Variants in RPS6KA2 observed in about 807,000 individuals in gnomAD.
The protein encoded by RPS6KA2 is ribosomal protein S6 kinase alpha-2.
In RPS6KA2, 42 loss-of-function variants were observed where a neutral mutation model predicts 91.8. That is an observed-to-expected ratio of 0.46 (90% CI 0.36 to 0.59). RPS6KA2 has a LOEUF of 0.59. Among genes scored for constraint, RPS6KA2 ranks in the 20% least tolerant of loss-of-function variants. RPS6KA2 has a pLI of 0.00. For synonymous variants in RPS6KA2, 414 were observed against 393.6 expected, an observed-to-expected ratio of 1.05 and a Z score of -0.61; for missense variants, 798 against 978.5, an observed-to-expected ratio of 0.82 and a Z score of 2.46.
intron 2 of RPS6KA2, among the ~76,000 whole-genome samples, chr6:166,839,709 A>AGGGGAGGG (rs1374229392): frequency 1.2e-4 from 3 of 25,856 alleles, no homozygotes; most frequent in East Asian, 3.2e-3. Context: ...AGAGGAGAGG[A>AGGGGAGGG]GAGGAGAGGC....
chr6:166,861,685 CATT>C (rs1434771390), intron 1 of RPS6KA2, among the ~76,000 whole-genome samples: 16 of 152,200 alleles, frequency 1.1e-4, no homozygotes, highest in African/African-American at 3.1e-4. Context: ...CTTGATTCAT[CATT>C]GATTTTTGCC....
chr6:166,736,589 C>T (rs143765525), intron 2 of RPS6KA2, among the ~76,000 whole-genome samples: 2,250 of 152,224 alleles, frequency 0.015, 40 homozygotes, highest in Non-Finnish European at 0.024. Flanking sequence ...AAGATCATTC[C>T]ATTTTTTTTC....
intron 10 of RPS6KA2, among the ~76,000 whole-genome samples, chr6:166,487,786 T>C (rs1781459844): frequency 1.3e-5 from 2 of 152,240 alleles, no homozygotes; most frequent in African/African-American, 4.8e-5. Flanking sequence ...TTTTTAAAAA[T>C]CACCTTAACT....
At chr6:166,695,694 A>T (rs1383291688) in intron 2 of RPS6KA2, among the ~76,000 whole-genome samples, 2 of 151,994 alleles carry the variant, frequency 1.3e-5, no homozygotes, top group Non-Finnish European at 2.9e-5. Context: ...GGATTCTCCT[A>T]GGAGCACTGG....
Position 166,648,191 on chromosome 6 carries a change from T to C in RPS6KA2, c.124-109407A>G, listed in dbSNP as rs1326476765. 8.9e-6 allele frequency among the ~76,000 whole-genome samples: 1 copy of C among 112,290 alleles called. No homozygotes were observed. Among genetic ancestry groups the C allele is most frequent in the Non-Finnish European group, 1.9e-5 (1 of 53,486 alleles). 73.7% of individuals were successfully genotyped at this position (112,290 alleles called of 152,430 possible). The stretch of plus-strand genomic sequence containing the variant: ...ACACATGCTCACACACATGCACACA[T>C]GCTCATACACACACTCATGCACACA... On this transcript the variant is annotated intron_variant, in intron 2 of 21. Coordinates refer to the RPS6KA2 transcript ENST00000503859. This position sits in a 1 kb window ranked among gnomAD's most constrained non-coding sequence, Gnocchi z 4.8.
At chr6:166,443,359 T>C (rs1562496671) in intron 14 of RPS6KA2, among the ~76,000 whole-genome samples, 1 of 152,200 alleles carries the variant, frequency 6.6e-6, no homozygotes, top group Non-Finnish European at 1.5e-5. Flanking sequence ...TTTCTCTGCC[T>C]CTTGGGAGCA....
In RPS6KA2 at chr6:166,612,412, C is replaced by T. The variant is rs1786216055; in HGVS notation, c.99+14509G>A. 6.6e-6 allele frequency among the ~76,000 whole-genome samples: 1 copy of T among 152,184 alleles called. No individual in the cohort carries two copies. Among genetic ancestry groups the T allele is most frequent in the Admixed American group, 6.5e-5 (1 of 15,286 alleles). On this transcript the variant is annotated intron_variant, in intron 1 of 20. Transcript: ENST00000265678. The surrounding 1 kb of genome is among the most constrained non-coding windows in gnomAD (Gnocchi z 4.3). ...GTAGTTTTCCTTAGGAGAAAGATGG[C>T]ATGCACCCCTGGGTCACCTGGCAAA...
At chr6:166,642,631 A>G (rs140780276) in intron 2 of RPS6KA2, among the ~76,000 whole-genome samples, 1 of 152,398 alleles carries the variant, frequency 6.6e-6, no homozygotes, top group East Asian at 1.9e-4. Flanking sequence ...AAAGCAATCA[A>G]TTAAAGGAAT....
At chr6:166,561,598 T>A (rs1562580638) in intron 1 of RPS6KA2, among the ~76,000 whole-genome samples, 3 of 151,834 alleles carry the variant, frequency 2.0e-5, no homozygotes, top group Non-Finnish European at 2.9e-5. Context: ...TGTGACAGTT[T>A]CTAGCAGGCA....
intron 13 of RPS6KA2, among the ~76,000 whole-genome samples, chr6:166,450,453 ATGAGGAC>A (rs1779862730): frequency 7.2e-6 from 1 of 138,586 alleles, no homozygotes; most frequent in African/African-American, 2.8e-5. Flanking sequence ...AGGAACCACC[ATGAGGAC>A]CACCATGGCT....
At chr6:166,450,846 C>G (rs10806852) in intron 13 of RPS6KA2, among the ~76,000 whole-genome samples, 45 of 152,078 alleles carry the variant, frequency 3.0e-4, no homozygotes, top group African/African-American at 1.1e-3. Flanking sequence ...TGGGGGCCCA[C>G]AATGTGAGAC....
chr6:166,579,064 T>A (rs1337218873), intron 1 of RPS6KA2, among the ~76,000 whole-genome samples: 1 of 152,090 alleles, frequency 6.6e-6, no homozygotes, highest in Non-Finnish European at 1.5e-5. Context: ...GGAGGATCAG[T>A]GGATCATGAA....
chr6:166,565,602 T>C (rs189411754), intron 1 of RPS6KA2, among the ~76,000 whole-genome samples: 2 of 152,334 alleles, frequency 1.3e-5, no homozygotes, highest in East Asian at 3.9e-4. Context: ...CACTCTTCAG[T>C]GGTGCCGAGG....
chr6:166,425,422 A>C (rs1250055176), intron 16 of RPS6KA2, among the ~76,000 whole-genome samples: 1 of 152,130 alleles, frequency 6.6e-6, no homozygotes, highest in Non-Finnish European at 1.5e-5. Context: ...CTAACATCGT[A>C]ATGACAGGAT....
At chr6:166,644,534 TC>T (rs1477869389) in intron 2 of RPS6KA2, among the ~76,000 whole-genome samples, 2 of 152,152 alleles carry the variant, frequency 1.3e-5, no homozygotes, top group Non-Finnish European at 2.9e-5. Flanking sequence ...TAGCTAAACC[TC>T]CCGGTATTCT....
At chr6:166,860,863 A>T (rs1346853878) in intron 1 of RPS6KA2, among the ~76,000 whole-genome samples, 1 of 152,196 alleles carries the variant, frequency 6.6e-6, no homozygotes, top group East Asian at 1.9e-4. Context: ...AAGGGAATGG[A>T]TCTTTCCAAG....
chr6:166,610,497 T>A (rs1237824611), intron 1 of RPS6KA2, among the ~76,000 whole-genome samples: 1 of 152,254 alleles, frequency 6.6e-6, no homozygotes, highest in Non-Finnish European at 1.5e-5. Flanking sequence ...ACACACTTCA[T>A]GAGGCCAAAC....
chr6:166,696,745 A>T (rs1214385603), intron 2 of RPS6KA2, among the ~76,000 whole-genome samples: 1 of 152,170 alleles, frequency 6.6e-6, no homozygotes, highest in East Asian at 1.9e-4. Flanking sequence ...CAGTGAAAGG[A>T]CAGAACAGAA....
intron 1 of RPS6KA2, among the ~76,000 whole-genome samples, chr6:166,588,686 A>C (rs1393559490): frequency 6.6e-6 from 1 of 152,204 alleles, no homozygotes; most frequent in Non-Finnish European, 1.5e-5. Context: ...TCAACTCCAG[A>C]ATGTGGGCTT....
Sources: gnomAD v4.1 joint callset for allele counts (sites outside exome capture counted in the v4.1 genomes callset) on GRCh38, gnomAD v4.1.1 for gene constraint, Gnocchi (gnomAD v3.1) non-coding constraint, MANE v1.5 for transcripts, NCBI Gene and HGNC (gene_info 2026-07-23, HGNC 2026-07-21) for gene names.